Variants in SPINT4 observed in about 807,000 individuals in gnomAD.
The protein encoded by SPINT4 is kunitz-type protease inhibitor 4.
Under a neutral mutation model 9.4 loss-of-function variants are expected in SPINT4, and 7 were observed. The observed-to-expected ratio is 0.74, with a 90% CI of 0.42 to 1.40. SPINT4 has a LOEUF of 1.40. SPINT4 is among the 40% of genes most tolerant of loss of function. The probability of loss-of-function intolerance (pLI) is 0.01; values close to 1 mark genes in which losing one functional copy is unlikely to be tolerated. For missense variants in SPINT4, 105 were observed against 114.4 expected (o/e 0.92, Z 0.37); for synonymous variants, 36 against 39.9 (o/e 0.90, Z 0.37).
intron 2 of SPINT4, among the ~76,000 whole-genome samples, chr20:45,725,155 A>G (rs546637669): frequency 1.6e-4 from 24 of 151,128 alleles, no homozygotes; most frequent in African/African-American, 5.4e-4. Flanking sequence ...GACAGTCACA[A>G]TGGTCTTGAC....
chr20:45,723,049 A>G (rs184656162), intron 1 of SPINT4, among the ~76,000 whole-genome samples: 9 of 152,248 alleles, frequency 5.9e-5, no homozygotes, highest in Admixed American at 5.9e-4. Context: ...CACTTAGCAG[A>G]TATGTGCCCT....
chr20:45,723,862 T>C lies in SPINT4; in HGVS notation c.116-18T>C. On this transcript the variant is annotated intron_variant, in intron 1 of 2. Transcript: ENST00000279058. ...TCCTTACCAATTCCCACTAACTCAA[T>C]GGGAACCTCTCATGCAGATCCCTGC... is the stretch of plus-strand genomic sequence containing the variant. 6.5e-7 allele frequency: 1 copy of C among 1,548,532 alleles called. No homozygotes were observed. The highest frequency in any genetic ancestry group is 8.7e-7 in the Non-Finnish European group (1 of 1,155,672).
At chr20:45,724,995 AATATATATATATATATAT>A (rs1156730831) in intron 2 of SPINT4, among the ~76,000 whole-genome samples, 2 of 36,424 alleles carry the variant, frequency 5.5e-5, no homozygotes, top group Non-Finnish European at 8.6e-5. Context: ...AAAAAAAAAA[AATATATATATATATATAT>A]ATATATATAT....
intron 1 of SPINT4, 67 bp downstream of exon 1, chr20:45,722,549 A>G (rs1984823856): frequency 8.3e-7 from 1 of 1,200,982 alleles, no homozygotes; most frequent in Non-Finnish European, 1.2e-6. Flanking sequence ...TATTGGGAGA[A>G]AAGTGTGTTA....
chr20:45,725,013 T>TATATATAAACAC (rs772192688), intron 2 of SPINT4, among the ~76,000 whole-genome samples: 1 of 49,506 alleles, frequency 2.0e-5, no homozygotes, highest in African/African-American at 1.5e-4. Flanking sequence ...TATATATATA[T>TATATATAAACAC]ATATATATAT....
rs16990631 is a variant in SPINT4 at position 45,722,456 on chromosome 20, C to A, written c.89C>A (p.Ala30Glu). The A allele has an allele frequency of 0.044, 70,339 of 1,611,626 alleles. 2,145 individuals carry two copies. The highest frequency in any genetic ancestry group is 0.087 in the Middle Eastern group (527 of 6,060). ...TLLLGGVNKI[A>E]EKICGDLKDP... ...TTATTGGGTGGTGTTAATAAAATTG[C>A]GGAGAAGATATGTGGAGACCTCAAA... Residue 30 changes from alanine to glutamate, a missense_variant, in exon 1 of 3, where the codon GCG becomes GAG. Ala to Glu is a moderately radical substitution (Grantham distance 107). Transcript: ENST00000279058.
intron 2 of SPINT4, among the ~76,000 whole-genome samples, chr20:45,724,995 A>AAAAAAAAAAATATAT (rs1387842262): frequency 2.7e-5 from 1 of 36,424 alleles, no homozygotes; most frequent in Non-Finnish European, 4.3e-5. Flanking sequence ...AAAAAAAAAA[A>AAAAAAAAAAATATAT]ATATATATAT....
chr20:45,724,993 AAAATATATATAT>A (rs1984901597), intron 2 of SPINT4, among the ~76,000 whole-genome samples: 1 of 38,558 alleles, frequency 2.6e-5, no homozygotes, highest in African/African-American at 2.3e-4. Context: ...AAAAAAAAAA[AAAATATATATAT>A]ATATATATAT....
chr20:45,724,464 G>A (rs1178835649), intron 2 of SPINT4, among the ~76,000 whole-genome samples: 2 of 148,214 alleles, frequency 1.3e-5, no homozygotes, highest in Admixed American at 6.8e-5. Context: ...AGCCGAGATC[G>A]CGCCATCCAT....
At chr20:45,724,995 A>AAAAATATATAT (rs1387842262) in intron 2 of SPINT4, among the ~76,000 whole-genome samples, 1 of 36,424 alleles carries the variant, frequency 2.7e-5, no homozygotes, top group Non-Finnish European at 4.3e-5. Context: ...AAAAAAAAAA[A>AAAAATATATAT]ATATATATAT....
In SPINT4 at chr20:45,725,752, T is replaced by C. The variant is rs1431249450; in HGVS notation, c.*117T>C. The C allele has an allele frequency of 7.3e-7, 1 of 1,364,166 alleles. No homozygotes were observed. Among genetic ancestry groups the C allele is most frequent in the Admixed American group, 1.7e-5 (1 of 57,466 alleles). 84.5% of individuals were successfully genotyped at this position (1,364,166 alleles called of 1,614,324 possible). On this transcript the variant is annotated 3_prime_UTR_variant, in exon 3 of 3. Transcript: ENST00000279058. ...CATAATGCTTTAAGCTTCCATATGTTTGCTATTTTCCTGACCCTAGTTTTG... is the reference window on the plus strand; with the variant it reads ...CATAATGCTTTAAGCTTCCATATGTCTGCTATTTTCCTGACCCTAGTTTTG...
At chr20:45,723,006 C>T (rs1568681884) in intron 1 of SPINT4, among the ~76,000 whole-genome samples, 1 of 152,008 alleles carries the variant, frequency 6.6e-6, no homozygotes, top group Non-Finnish European at 1.5e-5. Flanking sequence ...CAGTTTATAC[C>T]GTAAGTCAGA....
chr20:45,725,026 A>ATATC (rs759574144), intron 2 of SPINT4, among the ~76,000 whole-genome samples: 80 of 122,378 alleles, frequency 6.5e-4, no homozygotes, highest in Admixed American at 1.3e-3. Context: ...ATATATATAT[A>ATATC]TCAATAGATA....
chr20:45,724,995 A>AAAAAAAAAAAAAAAAAAAT (rs1387842262), intron 2 of SPINT4, among the ~76,000 whole-genome samples: 1 of 36,424 alleles, frequency 2.7e-5, no homozygotes, highest in Admixed American at 3.2e-4. Flanking sequence ...AAAAAAAAAA[A>AAAAAAAAAAAAAAAAAAAT]ATATATATAT....
rs777955330 is a variant in SPINT4, at chr20:45,724,020, G to C, written c.256G>C (p.Glu86Gln). The C allele has an allele frequency of 1.2e-6, 2 of 1,610,664 alleles. No individual in the cohort carries two copies. The highest frequency in any genetic ancestry group is 1.1e-5 in the South Asian group (1 of 90,222). ...CCTTAACAACTTCAAGCTTAAAATA[G>C]AACGTGAAGTAGCCTGTGTTGCAAA... Reference protein sequence around the residue: ...GNLNNFKLKIEREVACVAKYK... With the variant: ...GNLNNFKLKIQREVACVAKYK... Residue 86 changes from glutamate to glutamine, a missense_variant, in exon 2 of 3, where the codon GAA (glutamate) becomes CAA (glutamine). Coordinates refer to ENST00000279058, the MANE Select transcript of SPINT4 (RefSeq NM_178455.3).
intron 1 of SPINT4, 112 bp downstream of exon 1, chr20:45,722,594 A>G: frequency 1.3e-6 from 1 of 759,818 alleles, no homozygotes; most frequent in South Asian, 1.5e-5. Flanking sequence ...CTTTCATGAC[A>G]ATACCCATAG....
chr20:45,722,440 G>A lies in SPINT4; in HGVS notation c.73G>A (p.Gly25Ser), dbSNP rs755792131. Reference protein sequence around the residue: ...FCSLNTLLLGGVNKIAEKICG... With the variant: ...FCSLNTLLLGSVNKIAEKICG... ...CTCATTGAATACCCTGTTATTGGGT[G>A]GTGTTAATAAAATTGCGGAGAAGAT... is the stretch of plus-strand genomic sequence containing the variant. Residue 25 changes from glycine to serine, a missense_variant, in exon 1 of 3, where the codon GGT becomes AGT. Transcript: ENST00000279058. 6.2e-7 allele frequency: 1 copy of A among 1,613,610 alleles called. No individual in the cohort carries two copies. The highest frequency in any genetic ancestry group is 8.5e-7 in the Non-Finnish European group (1 of 1,179,534).
chr20:45,722,612 G>A, intron 1 of SPINT4, 130 bp downstream of exon 1: 1 of 682,030 alleles, frequency 1.5e-6, no homozygotes. Context: ...TAGACACTTA[G>A]TCCCTTGACT....
intron 2 of SPINT4, among the ~76,000 whole-genome samples, chr20:45,724,487 T>C (rs1984882201): frequency 7.4e-6 from 1 of 134,908 alleles, no homozygotes; most frequent in Non-Finnish European, 1.6e-5. Flanking sequence ...CACTCCAGCC[T>C]GGGCAATAAG....
Sources: gnomAD v4.1 joint callset for allele counts (sites outside exome capture counted in the v4.1 genomes callset) on GRCh38, gnomAD v4.1.1 for gene constraint, MANE v1.5 for transcripts, NCBI Gene and HGNC (gene_info 2026-07-23, HGNC 2026-07-21) for gene names.